Variants in NAV1 observed in about 807,000 individuals in gnomAD.
NAV1 encodes the protein neuron navigator 1.
NAV1 carries 18 observed loss-of-function variants against 175.2 expected under a neutral mutation model. The observed-to-expected ratio is 0.10, with a 90% CI of 0.07 to 0.15. NAV1 has a LOEUF of 0.15. NAV1 is among the 10% of genes least tolerant of loss of function. The pLI is 1.00. For missense variants in NAV1, 1,731 were observed against 2,436.6 expected (o/e 0.71, Z 6.10); for synonymous variants, 897 against 978.7 (o/e 0.92, Z 1.56).
At chr1:201,628,138 CAA>C (rs5780079) in intron 1 of NAV1, among the ~76,000 whole-genome samples, 2,996 of 95,682 alleles carry the variant, frequency 0.031, 116 homozygotes, top group African/African-American at 0.093. Flanking sequence ...GACCCTGTGT[CAA>C]AAAAAAAAAA....
chr1:201,637,822 T>TG (rs1668650090), intron 2 of NAV1, among the ~76,000 whole-genome samples: 1 of 152,088 alleles, frequency 6.6e-6, no homozygotes, highest in Non-Finnish European at 1.5e-5. Context: ...CTGATCTGGG[T>TG]GGGTCATGGT....
At chr1:201,738,532 AG>A (rs1350657844) in intron 3 of NAV1, among the ~76,000 whole-genome samples, 1 of 152,080 alleles carries the variant, frequency 6.6e-6, no homozygotes, top group Admixed American at 6.5e-5. Context: ...GGCCGAAAAT[AG>A]TAGGGGCAGC....
intron 3 of NAV1, among the ~76,000 whole-genome samples, chr1:201,772,171 C>A (rs1558146788): frequency 1.3e-5 from 2 of 152,152 alleles, no homozygotes; most frequent in African/African-American, 4.8e-5. Context: ...ACCACTCTAA[C>A]AGAAGTATAG....
chr1:201,578,143 A>G (rs1377377828), intron 1 of NAV1, among the ~76,000 whole-genome samples: 1 of 152,134 alleles, frequency 6.6e-6, no homozygotes, highest in Non-Finnish European at 1.5e-5. Context: ...CTTTTGTTAT[A>G]GTCCCACAGG....
rs746727927 is a variant in NAV1, at chr1:201,810,722, C to T, written c.4761C>T (p.Ile1587=). The T allele has an allele frequency of 1.6e-5, 26 of 1,613,990 alleles. No homozygotes were observed. In the Admixed American group the frequency reaches 3.3e-4, roughly 21 times the overall value. Residue 1587 remains isoleucine, a synonymous_variant, in exon 24 of 30, where the codon ATC becomes ATT. Transcript: ENST00000367296. The surrounding 1 kb of genome is among the most constrained non-coding windows in gnomAD (Gnocchi z 6.0). ...CTGGCCGTGAGGTCACAGAGGGCAT[C>T]GTCAGCACCTTCAACATGCACCAGC...
At chr1:201,642,772 T>C (rs1668838264) in intron 2 of NAV1, among the ~76,000 whole-genome samples, 1 of 148,888 alleles carries the variant, frequency 6.7e-6, no homozygotes, top group Non-Finnish European at 1.5e-5. Context: ...TTCTTTTCTC[T>C]TCTCTTTTCT....
At chr1:201,623,346 A>G in exon 1 of NAV1, 2 of 985,932 alleles carry the variant, frequency 2.0e-6, no homozygotes, top group Non-Finnish European at 2.4e-6. Context: ...GCTTTCACGG[A>G]GAAACTCAAA....
At chr1:201,622,458 T>A (rs1263086741), upstream of NAV1, among the ~76,000 whole-genome samples, 4 of 151,886 alleles carry the variant, frequency 2.6e-5, no homozygotes, top group East Asian at 5.8e-4. Flanking sequence ...AGGAAACTTG[T>A]TTAGTGTGGA....
exon 30 of NAV1, chr1:201,824,573 AG>A (rs1321718767): frequency 6.6e-6 from 1 of 152,116 alleles, no homozygotes; most frequent in Non-Finnish European, 1.5e-5. Flanking sequence ...GTAGCCTTGA[AG>A]GGAGGATACC....
chr1:201,806,734 G>T (rs1313516963), intron 17 of NAV1, among the ~76,000 whole-genome samples: 1 of 152,186 alleles, frequency 6.6e-6, no homozygotes, highest in African/African-American at 2.4e-5. Flanking sequence ...ACTGCTCAGT[G>T]ATAAGAAGTC....
At chr1:201,709,692 G>T (rs1388769116) in intron 1 of NAV1, among the ~76,000 whole-genome samples, 1 of 152,182 alleles carries the variant, frequency 6.6e-6, no homozygotes, top group African/African-American at 2.4e-5. Context: ...GGAGCTGCAG[G>T]GTGTAGCCTC....
chr1:201,747,790 C>T (rs1034579501), intron 3 of NAV1, among the ~76,000 whole-genome samples: 1 of 152,202 alleles, frequency 6.6e-6, no homozygotes, highest in Non-Finnish European at 1.5e-5. Context: ...ATAATTGGTA[C>T]TGTTTTTCCC....
At chr1:201,574,301 G>A (rs1390399623) in intron 1 of NAV1, among the ~76,000 whole-genome samples, 4 of 152,142 alleles carry the variant, frequency 2.6e-5, no homozygotes, top group Admixed American at 2.6e-4. Context: ...GAGTGTTGAC[G>A]AGAGAGACAT....
intron 1 of NAV1, among the ~76,000 whole-genome samples, chr1:201,556,832 G>T: frequency 6.6e-6 from 1 of 152,130 alleles, no homozygotes; most frequent in Non-Finnish European, 1.5e-5. Flanking sequence ...GTGGAAAACG[G>T]GTCTCAAGTG....
At chr1:201,580,007 G>C (rs1666802058) in intron 1 of NAV1, among the ~76,000 whole-genome samples, 1 of 152,222 alleles carries the variant, frequency 6.6e-6, no homozygotes, top group South Asian at 2.1e-4. Flanking sequence ...TGAGAAACTG[G>C]GGGGAAGGGT....
At chr1:201,727,042 T>C (rs991181520) in intron 3 of NAV1, among the ~76,000 whole-genome samples, 6 of 152,228 alleles carry the variant, frequency 3.9e-5, no homozygotes, top group Non-Finnish European at 7.3e-5. Context: ...CTCTGCTTGT[T>C]TCCTCAGCCG....
chr1:201,803,350 A>T (rs1243129285), intron 15 of NAV1, among the ~76,000 whole-genome samples: 1 of 152,242 alleles, frequency 6.6e-6, no homozygotes, highest in East Asian at 1.9e-4. Flanking sequence ...CTCCATGCTA[A>T]CTTCTGGTTC....
At chr1:201,552,669 C>T (rs1665893680) in intron 1 of NAV1, among the ~76,000 whole-genome samples, 1 of 152,154 alleles carries the variant, frequency 6.6e-6, no homozygotes, top group African/African-American at 2.4e-5. Context: ...TGGCCTAGAG[C>T]CAATGTTGGT....
intron 7 of NAV1, 112 bp downstream of exon 11, chr1:201,783,964 T>C (rs954807941): frequency 1.3e-5 from 12 of 957,720 alleles, no homozygotes; most frequent in Admixed American, 2.6e-5. Context: ...TGACATTTTT[T>C]CACATATATT....
Sources: allele counts gnomAD v4.1 joint callset (sites outside exome capture counted in the v4.1 genomes callset), GRCh38; gene constraint gnomAD v4.1.1; non-coding constraint Gnocchi (gnomAD v3.1); transcripts MANE v1.5; gene names NCBI Gene and HGNC (gene_info 2026-07-23, HGNC 2026-07-21).